The following PCDHGA10 variants were observed in gnomAD, a reference collection of about 807,000 sequenced individuals.
PCDHGA10 encodes protocadherin gamma-A10.
In PCDHGA10, 42 loss-of-function variants were observed where a neutral mutation model predicts 59.5. The observed-to-expected ratio is 0.71, with a 90% CI of 0.55 to 0.91. PCDHGA10 has a LOEUF of 0.91. Among genes scored for constraint, PCDHGA10 ranks in the 40% least tolerant of loss-of-function variants. PCDHGA10 has a pLI of 0.00. For synonymous variants in PCDHGA10, 511 were observed against 517.2 expected (o/e 0.99, Z 0.16); for missense variants, 1,111 against 1,198.2 (o/e 0.93, Z 1.07).
intron 1 of PCDHGA10, among the ~76,000 whole-genome samples, chr5:141,434,530 A>G (rs1241680580): frequency 6.6e-6 from 1 of 152,226 alleles, no homozygotes; most frequent in African/African-American, 2.4e-5. Flanking sequence ...CTTAAACCAC[A>G]AACAATAGCA....
Position 141,413,364 on chromosome 5 carries a change from G to A in PCDHGA10, c.189G>A (p.Leu63=), listed in dbSNP as rs759265336. ...ACTTGGGTCTGGCGCCCCGGGAGCT[G>A]GCGGAGCGCGGAGTCCGCATAGTCT... ...SKDLGLAPRE[L]AERGVRIVSR... The change falls in exon 1 of 4, where the codon CTG becomes CTA. Residue 63 remains leucine, a synonymous_variant. Coordinates refer to ENST00000398610, the MANE Select transcript of PCDHGA10 (RefSeq NM_018913.3). The A allele has an allele frequency of 8.7e-6, 14 of 1,613,870 alleles. No homozygotes were observed. Among genetic ancestry groups the A allele is most frequent in the African/African-American group, 5.3e-5 (4 of 74,962 alleles).
At chr5:141,419,808 G>A in intron 1 of PCDHGA10, 2 of 1,614,066 alleles carry the variant, frequency 1.2e-6, no homozygotes, top group Non-Finnish European at 8.5e-7. Flanking sequence ...AGAGATGGAG[G>A]ACAGCCACCC....
chr5:141,431,462 G>A lies in PCDHGA10; in HGVS notation c.2436+15851G>A. ...GCGCATCCGCGTGATGGTTCTGGAT[G>A]CGAACGACAACGCACCAGCGTTTGC... On this transcript the variant is annotated intron_variant, in intron 1 of 3. Transcript: ENST00000398610. This position sits in a 1 kb window ranked among gnomAD's most constrained non-coding sequence, Gnocchi z 4.8. 6.2e-7 allele frequency: 1 copy of A among 1,613,826 alleles called. No individual in the cohort carries two copies. The highest frequency in any genetic ancestry group is 2.2e-5 in the East Asian group (1 of 44,886).
chr5:141,415,759 T>TG (rs2095937522), intron 1 of PCDHGA10, 148 bp downstream of exon 1: 3 of 1,352,056 alleles, frequency 2.2e-6, no homozygotes, highest in Non-Finnish European at 2.9e-6. Flanking sequence ...TTTTTTTTTT[T>TG]TTTTTTTTTT....
At chr5:141,464,680 A>G (rs747974832) in intron 1 of PCDHGA10, among the ~76,000 whole-genome samples, 3 of 152,144 alleles carry the variant, frequency 2.0e-5, no homozygotes, top group Non-Finnish European at 4.4e-5. Flanking sequence ...TTTTAATTAA[A>G]ATTTCTCTTA....
chr5:141,497,740 C>T (rs954595046), intron 2 of PCDHGA10, among the ~76,000 whole-genome samples: 1 of 152,054 alleles, frequency 6.6e-6, no homozygotes, highest in South Asian at 2.1e-4. Context: ...GGTTTCGCCA[C>T]GTTGGCCAGG....
In PCDHGA10 at chr5:141,456,878, G is replaced by T. The variant is rs71583646; in HGVS notation, c.2437-37929G>T. On this transcript the variant is annotated intron_variant, in intron 1 of 3. Coordinates refer to ENST00000398610, the MANE Select transcript of PCDHGA10 (RefSeq NM_018913.3). ...ATTGGGAGGCTGAGGCAGGAGAATCGCTTGAACCCGGGAGGCAGAGGTTGC... is the reference window on the plus strand; with the variant it reads ...ATTGGGAGGCTGAGGCAGGAGAATCTCTTGAACCCGGGAGGCAGAGGTTGC... Among the ~76,000 whole-genome samples, 307 of 152,160 alleles carry T rather than the reference G, an allele frequency of 2.0e-3. 1 individual carries two copies. The highest frequency in any genetic ancestry group is 0.01 in the Middle Eastern group (3 of 294).
chr5:141,506,459 A>G (rs1159808052), intron 3 of PCDHGA10, among the ~76,000 whole-genome samples: 4 of 151,918 alleles, frequency 2.6e-5, no homozygotes, highest in Non-Finnish European at 4.4e-5. Context: ...AAAAAAAAAA[A>G]AAAAAAGAGC....
intron 1 of PCDHGA10, among the ~76,000 whole-genome samples, chr5:141,447,405 T>C (rs1045202682): frequency 6.6e-6 from 1 of 152,068 alleles, no homozygotes; most frequent in Non-Finnish European, 1.5e-5. Context: ...CCCAAAGTGC[T>C]GGGATTACAG....
At chr5:141,452,742 G>C (rs779371001) in intron 1 of PCDHGA10, among the ~76,000 whole-genome samples, 7 of 152,010 alleles carry the variant, frequency 4.6e-5, no homozygotes, top group Non-Finnish European at 8.8e-5. Context: ...GGAAGAGAGA[G>C]AAGGAAGAAG....
chr5:141,483,245 A>G (rs2099578786), intron 1 of PCDHGA10, among the ~76,000 whole-genome samples: 1 of 151,456 alleles, frequency 6.6e-6, no homozygotes, highest in Non-Finnish European at 1.5e-5. Flanking sequence ...TGATATGCAT[A>G]TATCATGAGG....
chr5:141,434,564 A>C (rs2097703207), intron 1 of PCDHGA10, among the ~76,000 whole-genome samples: 1 of 152,228 alleles, frequency 6.6e-6, no homozygotes, highest in Admixed American at 6.5e-5. Context: ...CCTTAAGGAC[A>C]TGCCCCTGCT....
chr5:141,462,824 A>T (rs1561993844), intron 1 of PCDHGA10, among the ~76,000 whole-genome samples: 1 of 152,158 alleles, frequency 6.6e-6, no homozygotes, highest in Non-Finnish European at 1.5e-5. Flanking sequence ...TGGACAGCAG[A>T]CATTGTAAAT....
intron 1 of PCDHGA10, among the ~76,000 whole-genome samples, chr5:141,455,783 T>G (rs1475277198): frequency 1.3e-5 from 2 of 152,066 alleles, no homozygotes; most frequent in Non-Finnish European, 2.9e-5. Context: ...AAAAGAAACT[T>G]TTCCGGAGAT....
chr5:141,490,346 T>A lies in PCDHGA10; in HGVS notation c.2437-4461T>A. On this transcript the variant is annotated intron_variant, in intron 1 of 3. Coordinates refer to ENST00000398610, the MANE Select transcript of PCDHGA10 (RefSeq NM_018913.3). This position sits in a 1 kb window ranked among gnomAD's most constrained non-coding sequence, Gnocchi z 5.4. ...GAGAGCACACCAGTGGGCACAGTAG[T>A]GGGGTTGTTTAATGTGCGAGACCGG... The A allele has an allele frequency of 6.2e-7, 1 of 1,614,164 alleles. No individual in the cohort carries two copies. The highest frequency in any genetic ancestry group is 8.5e-7 in the Non-Finnish European group (1 of 1,180,020).
At chr5:141,421,788 G>C (rs1262781272) in intron 1 of PCDHGA10, 7 of 1,613,682 alleles carry the variant, frequency 4.3e-6, no homozygotes, top group Admixed American at 3.3e-5. Flanking sequence ...GGGGCAGAAC[G>C]GATGGGGCCA....
At chr5:141,428,175 G>A (rs766332920) in intron 1 of PCDHGA10, 20 of 1,508,456 alleles carry the variant, frequency 1.3e-5, no homozygotes, top group Non-Finnish European at 1.8e-5. Flanking sequence ...GTGCGTGACG[G>A]AGGACAGCCG....
At position 141,493,093 on chromosome 5, in the gene PCDHGA10, A is replaced by G. The variant is rs78102761; in HGVS notation, c.2437-1714A>G. On this transcript the variant is annotated intron_variant, in intron 1 of 3. Transcript: ENST00000398610. The surrounding 1 kb of genome is among the most constrained non-coding windows in gnomAD (Gnocchi z 4.3). ...CTCCAACTCCAGGAGCTTTTATTCA[A>G]AATATATCAATGCCTAACTCTGCTC... 0.034 allele frequency among the ~76,000 whole-genome samples: 5,198 copies of G among 152,282 alleles called. 159 individuals carry two copies. Among genetic ancestry groups the G allele is most frequent in the African/African-American group, 0.079 (3,275 of 41,546 alleles).
chr5:141,500,184 T>TTTTTTTTATTTA (rs1554186429), intron 2 of PCDHGA10, among the ~76,000 whole-genome samples: 16 of 135,886 alleles, frequency 1.2e-4, no homozygotes, highest in African/African-American at 4.3e-4. Context: ...TCATTTTTAT[T>TTTTTTTTATTTA]TTTATTTATT....
Sources: allele counts gnomAD v4.1 joint callset (sites outside exome capture counted in the v4.1 genomes callset), GRCh38; gene constraint gnomAD v4.1.1; non-coding constraint Gnocchi (gnomAD v3.1); transcripts MANE v1.5; gene names NCBI Gene and HGNC (gene_info 2026-07-23, HGNC 2026-07-21).